Variants in LINGO2 observed in about 807,000 individuals in gnomAD.
LINGO2 encodes the protein leucine-rich repeat and immunoglobulin-like domain-containing nogo receptor-interacting protein 2.
LINGO2 carries 14 observed loss-of-function variants against 30.6 expected under a neutral mutation model. That is an observed-to-expected ratio of 0.46 (90% CI 0.30 to 0.72). The LOEUF (loss-of-function observed/expected upper bound fraction) is 0.72. Ranked by LOEUF, LINGO2 falls within the 30% of genes least tolerant of loss-of-function variation. The pLI is 0.07. For missense variants in LINGO2, 729 were observed against 751.7 expected (o/e 0.97, Z 0.35); for synonymous variants, 317 against 288.5 (o/e 1.10, Z -1.00).
downstream of LINGO2, chr9:27,943,193 CAT>C (rs1823232947): frequency 1.3e-5 from 2 of 152,174 alleles, no homozygotes; most frequent in South Asian, 2.1e-4. Flanking sequence ...TGTGCAACAA[CAT>C]AAAGTTAACA....
intron 1 of LINGO2, among the ~76,000 whole-genome samples, chr9:28,640,648 A>G (rs910158829): frequency 6.6e-6 from 1 of 151,734 alleles, no homozygotes; most frequent in African/African-American, 2.4e-5. Flanking sequence ...TTCGTCACGT[A>G]GTTCTCGTGC....
chr9:28,664,996 CAT>C (rs10527878), intron 1 of LINGO2, among the ~76,000 whole-genome samples: 6,734 of 95,290 alleles, frequency 0.071, 161 homozygotes, highest in Non-Finnish European at 0.084. Flanking sequence ...TATGTGTTTA[CAT>C]ATATATATAT....
the LINGO2 span, among the ~76,000 whole-genome samples, chr9:28,744,943 A>G: frequency 4.0e-5 from 6 of 151,798 alleles, no homozygotes; most frequent in Admixed American, 3.9e-4. Context: ...CCTTGTTTTT[A>G]TATTTTATTC....
intron 4 of LINGO2, among the ~76,000 whole-genome samples, chr9:28,249,636 C>CA (rs1379010217): frequency 5.3e-5 from 8 of 151,470 alleles, no homozygotes; most frequent in South Asian, 4.2e-4. Flanking sequence ...CCCAACCTTG[C>CA]AAAAAAAACC....
chr9:28,819,818 G>C, the LINGO2 span, among the ~76,000 whole-genome samples: 5 of 152,122 alleles, frequency 3.3e-5, no homozygotes, highest in African/African-American at 1.2e-4. Context: ...TTCCATAGCA[G>C]CTTCCTGGGC....
intron 5 of LINGO2, among the ~76,000 whole-genome samples, chr9:27,996,639 G>T (rs1383342688): frequency 6.6e-6 from 1 of 152,110 alleles, no homozygotes; most frequent in Non-Finnish European, 1.5e-5. Context: ...AAAAAGGGGG[G>T]TTAGTTAATG....
At chr9:29,033,856 G>C in the LINGO2 span, among the ~76,000 whole-genome samples, 6 of 152,142 alleles carry the variant, frequency 3.9e-5, no homozygotes, top group East Asian at 1.2e-3. Flanking sequence ...TGAGGCAAGT[G>C]GATCAGTTGA....
chr9:28,808,934 C>A, the LINGO2 span, among the ~76,000 whole-genome samples: 1 of 152,152 alleles, frequency 6.6e-6, no homozygotes, highest in Non-Finnish European at 1.5e-5. Flanking sequence ...CCCTGGTCAT[C>A]CAGTGCTGGG....
chr9:28,347,849 G>A (rs1819652360), intron 3 of LINGO2, among the ~76,000 whole-genome samples: 1 of 152,140 alleles, frequency 6.6e-6, no homozygotes, highest in African/African-American at 2.4e-5. Flanking sequence ...TGAGTGCTGA[G>A]TACTACTGAG....
chr9:28,821,087 A>T, the LINGO2 span, among the ~76,000 whole-genome samples: 1 of 152,208 alleles, frequency 6.6e-6, no homozygotes, highest in Non-Finnish European at 1.5e-5. Flanking sequence ...CTTAAATAGG[A>T]GCAGGAAATC....
the LINGO2 span, among the ~76,000 whole-genome samples, chr9:29,044,812 G>A: frequency 2.6e-5 from 4 of 151,994 alleles, no homozygotes; most frequent in African/African-American, 7.2e-5. Context: ...TGGAGCCTAC[G>A]TACACTGCTT....
At chr9:28,299,292 G>A (rs369194294) in intron 3 of LINGO2, among the ~76,000 whole-genome samples, 1 of 151,888 alleles carries the variant, frequency 6.6e-6, no homozygotes, top group African/African-American at 2.4e-5. Flanking sequence ...CTAACACAGA[G>A]AATATAATAA....
the LINGO2 span, among the ~76,000 whole-genome samples, chr9:29,113,779 A>T: frequency 1.3e-5 from 2 of 152,192 alleles, no homozygotes; most frequent in Admixed American, 1.3e-4. Context: ...GCATAATCAA[A>T]GCAATAGTTC....
Position 28,147,716 on chromosome 9 carries a change from A to G in LINGO2, c.-86-135311T>C, listed in dbSNP as rs536526616. Among the ~76,000 whole-genome samples the G allele has an allele frequency of 1.3e-5, 2 of 152,270 alleles. No individual in the cohort carries two copies. The highest frequency in any genetic ancestry group is 4.8e-5 in the African/African-American group (2 of 41,580). ...CCCACGGGGGGGCCCGTCCAGGGCCACACAACTGCCCCCAGGAGCAGGACG... is the reference window on the plus strand; with the variant it reads ...CCCACGGGGGGGCCCGTCCAGGGCCGCACAACTGCCCCCAGGAGCAGGACG... On this transcript the variant is annotated intron_variant, in intron 4 of 5. Transcript: ENST00000379992. This position sits in a 1 kb window ranked among gnomAD's most constrained non-coding sequence, Gnocchi z 4.7.
chr9:28,074,976 T>C (rs1193808233), intron 4 of LINGO2, among the ~76,000 whole-genome samples: 2 of 150,986 alleles, frequency 1.3e-5, no homozygotes, highest in Non-Finnish European at 3.0e-5. Flanking sequence ...ATATTTTTAA[T>C]GTATTATATA....
chr9:28,014,369 G>T (rs945188043), intron 4 of LINGO2, among the ~76,000 whole-genome samples: 2 of 151,840 alleles, frequency 1.3e-5, no homozygotes, highest in African/African-American at 4.8e-5. Context: ...GATCCATTAG[G>T]CCCCTCCATA....
chr9:28,990,638 G>T, the LINGO2 span, among the ~76,000 whole-genome samples: 1 of 152,044 alleles, frequency 6.6e-6, no homozygotes, highest in Non-Finnish European at 1.5e-5. Flanking sequence ...TCACACGGCC[G>T]GGTACTCCTC....
At chr9:29,169,671 C>T in the LINGO2 span, among the ~76,000 whole-genome samples, 83 of 152,140 alleles carry the variant, frequency 5.5e-4, no homozygotes, top group African/African-American at 1.9e-3. Flanking sequence ...AATATTTATA[C>T]ATTGTTGGTG....
At chr9:28,753,962 G>T in the LINGO2 span, among the ~76,000 whole-genome samples, 1,500 of 151,114 alleles carry the variant, frequency 9.9e-3, 35 homozygotes, top group African/African-American at 0.035. Context: ...CATGAATTTT[G>T]ATTTTTTTCC....
Sources: gnomAD v4.1 joint callset for allele counts (sites outside exome capture counted in the v4.1 genomes callset) on GRCh38, gnomAD v4.1.1 for gene constraint, Gnocchi (gnomAD v3.1) non-coding constraint, MANE v1.5 for transcripts, NCBI Gene and HGNC (gene_info 2026-07-23, HGNC 2026-07-21) for gene names.